Variants in VAT1L observed in about 807,000 individuals in gnomAD.
The protein encoded by VAT1L is vesicle amine transport 1 like, also known as putative NADPH-dependent quinone oxidoreductase VAT1L.
Under a neutral mutation model 44.1 loss-of-function variants are expected in VAT1L, and 34 were observed. The ratio of observed to expected loss-of-function variants is 0.77; its 90% confidence interval spans 0.59 to 1.03. The LOEUF (loss-of-function observed/expected upper bound fraction) is 1.03, where lower values mean the gene tolerates loss of function less well. Ranked by LOEUF, VAT1L falls within the 50% of genes least tolerant of loss-of-function variation. VAT1L has a pLI of 0.00. For missense variants in VAT1L, 615 were observed against 538.8 expected (o/e 1.14, Z -1.40); for synonymous variants, 253 against 202.2 (o/e 1.25, Z -2.13).
chr16:77,822,120 C>A (rs2016462176), intron 2 of VAT1L, among the ~76,000 whole-genome samples: 1 of 152,064 alleles, frequency 6.6e-6, no homozygotes, highest in African/African-American at 2.4e-5. Flanking sequence ...TTATTGTTAG[C>A]TCATGTTTTA....
chr16:77,968,701 G>C (rs1442374710), intron 7 of VAT1L, among the ~76,000 whole-genome samples: 1 of 132,486 alleles, frequency 7.5e-6, no homozygotes, highest in Non-Finnish European at 1.6e-5. Context: ...CTCCAGCGTG[G>C]GCAACAGAGA....
chr16:77,936,358 A>G (rs2017796414), intron 7 of VAT1L, among the ~76,000 whole-genome samples: 1 of 152,152 alleles, frequency 6.6e-6, no homozygotes, highest in African/African-American at 2.4e-5. Context: ...GGATGACTAC[A>G]GTGAGTAAGG....
chr16:77,945,486 T>C (rs757952000), intron 7 of VAT1L, among the ~76,000 whole-genome samples: 33 of 151,974 alleles, frequency 2.2e-4, no homozygotes, highest in Middle Eastern at 6.8e-3. Flanking sequence ...GACAGGCTCT[T>C]ACTGTGTTGC....
intron 6 of VAT1L, chr16:77,882,554 AAC>A (rs1186531503): frequency 6.6e-6 from 1 of 152,236 alleles, no homozygotes; most frequent in East Asian, 1.9e-4. Flanking sequence ...CCCCATGAGG[AAC>A]AGTGAGGAAA....
At chr16:77,947,002 T>A (rs1179294009) in intron 7 of VAT1L, among the ~76,000 whole-genome samples, 1 of 152,162 alleles carries the variant, frequency 6.6e-6, no homozygotes, top group African/African-American at 2.4e-5. Flanking sequence ...TTTTATCTCG[T>A]TACCATGGCA....
Position 77,884,545 on chromosome 16 carries a change from C to T in VAT1L, c.883-63C>T. The T allele has an allele frequency of 6.6e-7, 1 of 1,519,466 alleles. No homozygotes were observed. The highest frequency in any genetic ancestry group is 8.9e-7 in the Non-Finnish European group (1 of 1,119,624). 94.1% of individuals were successfully genotyped at this position (1,519,466 alleles called of 1,614,324 possible). On this transcript the variant is annotated intron_variant, in intron 6 of 8. Coordinates refer to ENST00000302536, the MANE Select transcript of VAT1L (RefSeq NM_020927.3). The surrounding 1 kb of genome is among the most constrained non-coding windows in gnomAD (Gnocchi z 4.5). ...GTAGTAGCTGATGACATCAGCAATGCTGCCAATGTAGGCTTAACCCCGGTA... is the reference window on the plus strand; with the variant it reads ...GTAGTAGCTGATGACATCAGCAATGTTGCCAATGTAGGCTTAACCCCGGTA...
intron 7 of VAT1L, among the ~76,000 whole-genome samples, chr16:77,909,606 C>T (rs1397885994): frequency 4.7e-5 from 7 of 147,418 alleles, no homozygotes; most frequent in Admixed American, 2.7e-4. Context: ...CACCGCACTC[C>T]AGCCTGGGCG....
chr16:77,877,216 A>G (rs903713927), intron 5 of VAT1L, among the ~76,000 whole-genome samples: 4 of 152,082 alleles, frequency 2.6e-5, no homozygotes, highest in Non-Finnish European at 5.9e-5. Context: ...CAATTTAAAC[A>G]TTAGTCTCCA....
chr16:77,834,809 G>T (rs2016620846), intron 3 of VAT1L, among the ~76,000 whole-genome samples: 1 of 152,096 alleles, frequency 6.6e-6, no homozygotes, highest in Non-Finnish European at 1.5e-5. Flanking sequence ...TAAGATTAAT[G>T]GCCTGGGCCC....
chr16:77,908,443 G>A (rs1326438923), intron 7 of VAT1L, among the ~76,000 whole-genome samples: 3 of 95,864 alleles, frequency 3.1e-5, no homozygotes, highest in Non-Finnish European at 5.7e-5. Context: ...CAGGCTGGGG[G>A]ACAAGAACCA....
intron 7 of VAT1L, among the ~76,000 whole-genome samples, chr16:77,902,671 A>C (rs766382567): frequency 2.3e-5 from 3 of 132,808 alleles, no homozygotes; most frequent in Non-Finnish European, 4.7e-5. Flanking sequence ...AATGGAATAA[A>C]AAGGCCGAGC....
At chr16:77,935,510 A>C (rs2017784485) in intron 7 of VAT1L, among the ~76,000 whole-genome samples, 1 of 151,822 alleles carries the variant, frequency 6.6e-6, no homozygotes, top group African/African-American at 2.4e-5. Flanking sequence ...AAAAAAAAAA[A>C]AAAAAACTAC....
At position 77,971,888 on chromosome 16, in the gene VAT1L, C is replaced by T. The variant is rs763009657; in HGVS notation, c.1116C>T (p.Asn372=). 104 of 1,613,816 alleles carry T rather than the reference C, an allele frequency of 6.4e-5. No homozygotes were observed. Among genetic ancestry groups the T allele is most frequent in the Non-Finnish European group, 8.8e-5 (104 of 1,179,922 alleles). ...TGCAGCGGATTCACGACCGAGGGAA[C>T]ATTGGCAAGTTAATTCTGGATGTAG... The part of the protein sequence containing the change: ...EAMQRIHDRG[N]IGKLILDVEK... Residue 372 remains asparagine, a synonymous_variant, in exon 8 of 9, where the codon AAC becomes AAT. Transcript: ENST00000302536.
At chr16:77,951,923 T>A (rs369572747) in intron 7 of VAT1L, among the ~76,000 whole-genome samples, 2 of 152,004 alleles carry the variant, frequency 1.3e-5, no homozygotes, top group Admixed American at 1.3e-4. Flanking sequence ...TTGAACTCAA[T>A]TCCTTTGAAA....
chr16:77,868,579 A>G (rs1057421926), intron 4 of VAT1L, among the ~76,000 whole-genome samples: 11 of 152,206 alleles, frequency 7.2e-5, no homozygotes, highest in African/African-American at 2.7e-4. Flanking sequence ...TCACACAAAT[A>G]GACGTGACGG....
chr16:77,801,847 T>G (rs760236500), intron 1 of VAT1L: 1 of 152,176 alleles, frequency 6.6e-6, no homozygotes, highest in African/African-American at 2.4e-5. Context: ...TCTGAATGAT[T>G]TTCTAATTGG....
intron 7 of VAT1L, among the ~76,000 whole-genome samples, chr16:77,934,698 C>A (rs1053185875): frequency 6.6e-6 from 1 of 152,176 alleles, no homozygotes; most frequent in Non-Finnish European, 1.5e-5. Context: ...AAAGGGTGAT[C>A]ACCACAGCAA....
At chr16:77,929,698 G>A (rs957302919) in intron 7 of VAT1L, among the ~76,000 whole-genome samples, 13 of 152,106 alleles carry the variant, frequency 8.5e-5, no homozygotes, top group Non-Finnish European at 1.9e-4. Context: ...CTCACTACAT[G>A]CTTAAATACT....
At chr16:77,852,608 C>T (rs1011175338) in intron 3 of VAT1L, among the ~76,000 whole-genome samples, 26 of 152,258 alleles carry the variant, frequency 1.7e-4, no homozygotes, top group African/African-American at 6.0e-4. Context: ...TTGCTCTTTC[C>T]GAGCCTTTCT....
Sources: allele counts gnomAD v4.1 joint callset (sites outside exome capture counted in the v4.1 genomes callset), GRCh38; gene constraint gnomAD v4.1.1; non-coding constraint Gnocchi (gnomAD v3.1); transcripts MANE v1.5; gene names NCBI Gene and HGNC (gene_info 2026-07-23, HGNC 2026-07-21).